IFT80: variants seen among roughly 807,000 people sequenced by gnomAD.
The protein encoded by IFT80 is intraflagellar transport 80.
A neutral mutation model predicts 107.9 loss-of-function variants in IFT80; 79 were observed. That is an observed-to-expected ratio of 0.73 (90% CI 0.61 to 0.88). The LOEUF is 0.88. Among genes scored for constraint, IFT80 ranks in the 40% least tolerant of loss-of-function variants. The pLI, the probability that IFT80 is intolerant of heterozygous loss-of-function variation, is 0.00. For synonymous variants in IFT80, 299 were observed against 300.9 expected, an observed-to-expected ratio of 0.99 and a Z score of 0.07; for missense variants, 797 against 914.2, an observed-to-expected ratio of 0.87 and a Z score of 1.65.
rs369114064 is a variant in IFT80, at chr3:160,303,962, T to A, written c.1104A>T (p.Ile368=). Reference sequence around the variant, plus strand: ...TAACAGTTCCTTCTTTGAGATCAAATATAATTGGTGTGTTCCAGTTCTTCG... The same window carrying A: ...TAACAGTTCCTTCTTTGAGATCAAAAATAATTGGTGTGTTCCAGTTCTTCG... ...FSTKNWNTPI[I]FDLKEGTVSL... The change falls in exon 11 of 20, where the codon ATA becomes ATT. Residue 368 remains isoleucine (I), a synonymous_variant. Transcript: ENST00000326448. 41 of 1,611,388 alleles carry A rather than the reference T, an allele frequency of 2.5e-5. No homozygotes were observed. In the African/African-American group the frequency reaches 3.7e-4, roughly 15 times the overall value.
At chr3:160,258,718 G>A (rs1712556376) in intron 19 of IFT80, 83 bp from the exon 20 acceptor site, 1 of 1,478,352 alleles carries the variant, frequency 6.8e-7, no homozygotes, top group Non-Finnish European at 9.2e-7. Flanking sequence ...AGAGTAAACA[G>A]ATAGACTGTG....
At position 160,258,520 on chromosome 3, in the gene IFT80, G is replaced by A; in HGVS notation, c.*5C>T. 7 of 1,613,644 alleles carry A rather than the reference G, an allele frequency of 4.3e-6. No homozygotes were observed. The highest frequency in any genetic ancestry group is 5.9e-6 in the Non-Finnish European group (7 of 1,179,930). On this transcript the variant is annotated 3_prime_UTR_variant, in exon 20 of 20. Coordinates refer to ENST00000326448, the MANE Select transcript of IFT80 (RefSeq NM_020800.3). ...GATAAAATTTCTTAAAGATACGCAT[G>A]GCATTTAGGGCTTTAAACCTATACT... is the stretch of plus-strand genomic sequence containing the variant.
intron 12 of IFT80, among the ~76,000 whole-genome samples, chr3:160,290,659 C>A (rs1008423397): frequency 2.0e-5 from 3 of 152,060 alleles, no homozygotes; most frequent in South Asian, 2.1e-4. Flanking sequence ...CGGCTCACTG[C>A]GAACTCTGCC....
At chr3:160,396,640 G>T (rs1278728698) in intron 1 of IFT80, among the ~76,000 whole-genome samples, 2 of 152,128 alleles carry the variant, frequency 1.3e-5, no homozygotes, top group East Asian at 3.8e-4. Context: ...TGCAGATAGA[G>T]ATTACTGACA....
chr3:160,319,726 A>G (rs1470602682), intron 9 of IFT80, 34 bp downstream of exon 9: 2 of 1,522,192 alleles, frequency 1.3e-6, no homozygotes, highest in South Asian at 1.1e-5. Context: ...TATGAAAAGA[A>G]GCAGGTTTAA....
intron 8 of IFT80, among the ~76,000 whole-genome samples, chr3:160,330,404 C>A (rs1488156168): frequency 6.6e-6 from 1 of 152,198 alleles, no homozygotes; most frequent in African/African-American, 2.4e-5. Context: ...AATTATACAA[C>A]CTTTTCTTAG....
chr3:160,300,974 T>C lies in IFT80; in HGVS notation c.1224A>G (p.Lys408=), dbSNP rs2108267227. ...GAATATCTGTTCTCATTCCAGGAAA[T>C]TTTGGAGATGAAATAAAGCGCCCTT... ...SYEGRFISSP[K]FPGMRTDILN... Residue 408 remains lysine (K), a synonymous_variant, in exon 12 of 20, where the codon AAA becomes AAG. Coordinates refer to ENST00000326448, the MANE Select transcript of IFT80 (RefSeq NM_020800.3). 6 of 1,610,096 alleles carry C rather than the reference T, an allele frequency of 3.7e-6. No individual in the cohort carries two copies. Among genetic ancestry groups the C allele is most frequent in the Non-Finnish European group, 3.4e-6 (4 of 1,177,570 alleles).
Position 160,325,447 on chromosome 3 carries a change from G to T in IFT80, c.778-5508C>A, listed in dbSNP as rs17217109. On this transcript the variant is annotated intron_variant, in intron 8 of 19. Coordinates refer to ENST00000326448, the MANE Select transcript of IFT80 (RefSeq NM_020800.3). ...AACTTACAGATGCATGATCCTAAGA[G>T]GAGAAAATGAAATGTTTAGATAATA... Among the ~76,000 whole-genome samples the T allele has an allele frequency of 3.0e-4, 45 of 152,078 alleles. No individual in the cohort carries two copies. The East Asian group carries it at 6.2e-3, about 21-fold the overall frequency.
At chr3:160,348,309 A>G (rs1720442686) in intron 8 of IFT80, among the ~76,000 whole-genome samples, 2 of 152,194 alleles carry the variant, frequency 1.3e-5, no homozygotes, top group South Asian at 4.1e-4. Context: ...GTAGTTTAGC[A>G]TAGCTCTGAA....
intron 1 of IFT80, among the ~76,000 whole-genome samples, chr3:160,389,656 G>T (rs1009580995): frequency 2.0e-4 from 31 of 151,822 alleles, no homozygotes; most frequent in African/African-American, 7.5e-4. Flanking sequence ...CAAAGGACAT[G>T]AACTCATCAT....
chr3:160,355,688 G>A (rs1721025611), intron 8 of IFT80, among the ~76,000 whole-genome samples: 1 of 151,870 alleles, frequency 6.6e-6, no homozygotes, highest in Non-Finnish European at 1.5e-5. Flanking sequence ...TCAGTGAAAG[G>A]TTAGAAAAAA....
At chr3:160,300,493 G>C (rs190854510) in intron 12 of IFT80, among the ~76,000 whole-genome samples, 113 of 152,092 alleles carry the variant, frequency 7.4e-4, no homozygotes, top group Admixed American at 5.2e-3. Flanking sequence ...AAATTAAATA[G>C]TTCAATGAAG....
At chr3:160,341,199 T>TG (rs371108386) in intron 8 of IFT80, among the ~76,000 whole-genome samples, 5 of 152,108 alleles carry the variant, frequency 3.3e-5, no homozygotes, top group African/African-American at 7.2e-5. Context: ...TTTGTAGAGA[T>TG]GGGGGTCTCA....
intron 8 of IFT80, among the ~76,000 whole-genome samples, chr3:160,336,971 C>G (rs1719528048): frequency 6.6e-6 from 1 of 152,062 alleles, no homozygotes; most frequent in Non-Finnish European, 1.5e-5. Flanking sequence ...GCCTTTTTCC[C>G]CTCCTCTCCT....
chr3:160,346,670 T>C (rs965153298), intron 8 of IFT80, among the ~76,000 whole-genome samples: 1 of 152,106 alleles, frequency 6.6e-6, no homozygotes, highest in Non-Finnish European at 1.5e-5. Flanking sequence ...TTTTGCAGAC[T>C]GCTTTTTGTG....
At chr3:160,331,586 A>G (rs996457389) in intron 8 of IFT80, among the ~76,000 whole-genome samples, 4 of 152,152 alleles carry the variant, frequency 2.6e-5, no homozygotes, top group Non-Finnish European at 5.9e-5. Context: ...GTTTGTTTCA[A>G]TCAAGATGCA....
At chr3:160,312,474 C>A (rs1314595484) in intron 9 of IFT80, among the ~76,000 whole-genome samples, 1 of 144,492 alleles carries the variant, frequency 6.9e-6, no homozygotes, top group African/African-American at 2.6e-5. Context: ...TCCTTGCCTG[C>A]TTCTGGACCT....
chr3:160,260,992 G>A (rs1712781506), intron 19 of IFT80, among the ~76,000 whole-genome samples: 1 of 151,978 alleles, frequency 6.6e-6, no homozygotes. Context: ...TTTCTCTTCC[G>A]TCTCAGGCCA....
intron 8 of IFT80, among the ~76,000 whole-genome samples, chr3:160,339,173 TGTAA>T (rs1719707853): frequency 3.3e-5 from 5 of 152,206 alleles, no homozygotes; most frequent in South Asian, 4.1e-4. Flanking sequence ...AGATACTGTA[TGTAA>T]GTAATATCTC....
Sources: gnomAD v4.1 joint callset for allele counts (sites outside exome capture counted in the v4.1 genomes callset) on GRCh38, gnomAD v4.1.1 for gene constraint, MANE v1.5 for transcripts, NCBI Gene and HGNC (gene_info 2026-07-23, HGNC 2026-07-21) for gene names.